MZT2A: variants seen among roughly 807,000 people sequenced by gnomAD.
The protein encoded by MZT2A is mitotic spindle organizing protein 2A, also known as mitotic-spindle organizing protein 2A.
Under a neutral mutation model 12.4 loss-of-function variants are expected in MZT2A, and 8 were observed. The observed-to-expected ratio is 0.64, with a 90% confidence interval of 0.38 to 1.16. The LOEUF (loss-of-function observed/expected upper bound fraction) is 1.16, where lower values mean the gene tolerates loss of function less well. Ranked by LOEUF, MZT2A falls within the 50% of genes most tolerant of loss-of-function variation. The pLI, the probability that MZT2A is intolerant of heterozygous loss-of-function variation, is 0.01. For synonymous variants in MZT2A, 88 were observed against 107.5 expected (o/e 0.82, Z 1.12); for missense variants, 181 against 223.6 (o/e 0.81, Z 1.22).
intron 2 of MZT2A, chr2:131,486,707 C>T (rs1679066103): frequency 6.6e-6 from 1 of 151,938 alleles, no homozygotes; most frequent in Non-Finnish European, 1.5e-5. Flanking sequence ...TTCATTGCTG[C>T]CCGGAACCCA....
At chr2:131,485,167 A>G (rs769403483) in intron 2 of MZT2A, among the ~76,000 whole-genome samples, 4 of 152,052 alleles carry the variant, frequency 2.6e-5, no homozygotes, top group African/African-American at 4.8e-5. Flanking sequence ...CGTGGGCTCT[A>G]AACAGGGCGT....
intron 4 of MZT2A, chr2:131,470,084 G>A (rs1451781742): frequency 5.0e-6 from 2 of 401,126 alleles, no homozygotes; most frequent in African/African-American, 2.2e-5. Context: ...GATTACAGGC[G>A]TGAGCCACCG....
At chr2:131,481,769 T>C (rs188988345), downstream of MZT2A, among the ~76,000 whole-genome samples, 23 of 152,344 alleles carry the variant, frequency 1.5e-4, no homozygotes, top group East Asian at 4.4e-3. Flanking sequence ...GGTTTCGCCA[T>C]GTTGGCCAGG....
At chr2:131,482,984 C>A, downstream of MZT2A, 1 of 1,440,190 alleles carries the variant, frequency 6.9e-7, no homozygotes, top group Non-Finnish European at 9.2e-7. Flanking sequence ...GCCGGTGGGA[C>A]CCTAGAGCCT....
rs1022037705 is a variant in MZT2A at position 131,490,756 on chromosome 2, C to CG, written c.319+1119dup. The CG allele has an allele frequency of 1.2e-4, 178 of 1,537,984 alleles. 2 individuals carry two copies. In the Admixed American group the frequency reaches 3.2e-3, roughly 28 times the overall value. ...GGCAGCAAGAGAGGCGGAGGGAACCCGGGGGGCCTGGAGAGAGAGGTGAGT... is the reference window on the plus strand; with the variant it reads ...GGCAGCAAGAGAGGCGGAGGGAACCCGGGGGGGCCTGGAGAGAGAGGTGAGT... On this transcript the variant is annotated intron_variant, in intron 2 of 2. Coordinates refer to ENST00000309451, the MANE Select transcript of MZT2A (RefSeq NM_001085365.2).
At position 131,492,331 on chromosome 2, in the gene MZT2A, G is replaced by A. The variant is rs755464813; in HGVS notation, c.46C>T (p.Pro16Ser). Residue 16 changes from proline to serine, a missense_variant, in exon 1 of 3, where the codon CCG (proline) becomes TCG (serine). Physicochemically the swap from Pro to Ser is moderately conservative, Grantham distance 74. This residue lies in a region of MZT2A where 106 missense variants were observed against 127.2 expected (regional missense o/e 0.83). Coordinates refer to ENST00000309451, the MANE Select transcript of MZT2A (RefSeq NM_001085365.2). ...VGPGPGSAAP[P>S]GLEAARQKLA... is the part of the protein sequence containing the mutation. ...TTCTGCCGGGCCGCCTCCAGCCCCG[G>A]GGGCGCCGCCGACCCCGGCCCAGGC... The A allele has an allele frequency of 8.0e-5, 121 of 1,510,608 alleles. 1 individual carries two copies. The highest frequency in any genetic ancestry group is 9.9e-5 in the Non-Finnish European group (113 of 1,138,064). The allele number at this position is 1,510,608 out of a possible 1,614,324, so 93.6% of individuals were successfully genotyped here.
chr2:131,478,064 C>T, intron 2 of MZT2A: 1 of 1,479,822 alleles, frequency 6.8e-7, no homozygotes, highest in Non-Finnish European at 9.0e-7. Flanking sequence ...GCGCCAGATA[C>T]TGAAGCAGTA....
downstream of MZT2A, chr2:131,483,925 A>AAT: frequency 7.1e-7 from 1 of 1,418,440 alleles, no homozygotes; most frequent in Non-Finnish European, 9.1e-7. Flanking sequence ...AGTGTGCCTT[A>AAT]ATATAAAAAA....
downstream of MZT2A, chr2:131,482,936 C>T (rs3817560): frequency 1.1e-5 from 17 of 1,543,380 alleles, 1 homozygote; most frequent in South Asian, 2.1e-4. Context: ...TAAAACCAAG[C>T]CCTCTGTGTG....
chr2:131,485,222 C>A (rs539266102), intron 2 of MZT2A, among the ~76,000 whole-genome samples: 1 of 152,182 alleles, frequency 6.6e-6, no homozygotes, highest in Non-Finnish European at 1.5e-5. Context: ...TTTCATCCCC[C>A]CAGCATTTCC....
chr2:131,492,634 T>C (rs1371447195), upstream of MZT2A: 2 of 1,226,660 alleles, frequency 1.6e-6, no homozygotes, highest in Non-Finnish European at 2.0e-6. Context: ...GGTCAGGGCG[T>C]CCCTGATAGA....
rs949467984 is a variant in MZT2A at position 131,484,327 on chromosome 2, A to G, written c.320-109T>C. Reference sequence around the variant, plus strand: ...ATTTGTGTCTACACATTTCCATCAAAGTCGCTTCAGCTAGAGGCCCTGCAT... The same window carrying G: ...ATTTGTGTCTACACATTTCCATCAAGGTCGCTTCAGCTAGAGGCCCTGCAT... On this transcript the variant is annotated intron_variant, in intron 2 of 2. Transcript: ENST00000309451. 4 of 1,504,572 alleles carry G rather than the reference A, an allele frequency of 2.7e-6. No individual in the cohort carries two copies. In the African/African-American group the frequency reaches 5.6e-5, roughly 21 times the overall value. The allele number at this position is 1,504,572 out of a possible 1,614,324, so 93.2% of individuals were successfully genotyped here. A position where few individuals can be genotyped will look rare whatever the true frequency, so the allele number is the denominator to read the frequency against.
At chr2:131,489,767 CTT>C (rs1679214427) in intron 2 of MZT2A, 1 of 732,460 alleles carries the variant, frequency 1.4e-6, no homozygotes, top group Admixed American at 6.3e-5. Flanking sequence ...CCTGCCTTGA[CTT>C]CCCGAAGTGC....
At chr2:131,476,085 G>T (rs1031338850) in intron 2 of MZT2A, 1 of 1,537,978 alleles carries the variant, frequency 6.5e-7, no homozygotes, top group Middle Eastern at 2.2e-4. Context: ...GCCTGGCACC[G>T]GCGGGCCAAT....
chr2:131,471,852 T>A (rs1704993028), intron 3 of MZT2A, among the ~76,000 whole-genome samples: 1 of 152,190 alleles, frequency 6.6e-6, no homozygotes, highest in African/African-American at 2.4e-5. Flanking sequence ...AAGGCACCCA[T>A]GGCAGGGAGC....
In MZT2A at chr2:131,484,211, G is replaced by C; in HGVS notation, c.327C>G (p.Asp109Glu). Residue 109 changes from aspartate (D) to glutamate (E), a missense_variant, in exon 3 of 3, where the codon GAC (aspartate) becomes GAG (glutamate). Physicochemically the swap from Asp to Glu is conservative, Grantham distance 45. This residue lies in a region of MZT2A where 72 missense variants were observed against 76.9 expected (regional missense o/e 0.94). Transcript: ENST00000309451. ...TSSVPETRGRDKGSAALGGVL... is the reference protein window; with the variant it reads ...TSSVPETRGREKGSAALGGVL... Reference sequence around the variant, plus strand: ...CTCCCCCGAGGGCAGCGCTGCCTTTGTCTCTCCCTAAGGAGACACAAAGCA... The same window carrying C: ...CTCCCCCGAGGGCAGCGCTGCCTTTCTCTCTCCCTAAGGAGACACAAAGCA... 6.2e-7 allele frequency: 1 copy of C among 1,613,862 alleles called. No individual in the cohort carries two copies. The highest frequency in any genetic ancestry group is 8.5e-7 in the Non-Finnish European group (1 of 1,179,822).
chr2:131,490,793 G>A (rs1376434951), intron 2 of MZT2A: 3 of 1,549,872 alleles, frequency 1.9e-6, no homozygotes, highest in Non-Finnish European at 2.6e-6. Flanking sequence ...TGTGGCAGCT[G>A]GGCTGTGGAG....
downstream of MZT2A, chr2:131,480,801 A>G (rs550171909): frequency 3.2e-6 from 5 of 1,579,532 alleles, no homozygotes; most frequent in Admixed American, 8.6e-5. Context: ...TGCACAAAAT[A>G]ACACTGGCCC....
intron 2 of MZT2A, chr2:131,478,048 G>T (rs1678734071): frequency 7.1e-7 from 1 of 1,410,160 alleles, no homozygotes; most frequent in African/African-American, 1.4e-5. Context: ...AATATCGATT[G>T]TGAAAGCGCC....
Sources: gnomAD v4.1 joint callset for allele counts (sites outside exome capture counted in the v4.1 genomes callset) on GRCh38, gnomAD v4.1.1 for gene constraint, gnomAD v4.1.1 regional missense constraint, MANE v1.5 for transcripts, NCBI Gene and HGNC (gene_info 2026-07-23, HGNC 2026-07-21) for gene names.